RNGTT: variants seen among roughly 807,000 people sequenced by gnomAD.
RNGTT encodes RNA guanylyltransferase and 5'-phosphatase.
A neutral mutation model predicts 79.3 loss-of-function variants in RNGTT; 33 were observed. The ratio of observed to expected loss-of-function variants is 0.42; its 90% CI spans 0.32 to 0.56. The LOEUF is 0.56. RNGTT is among the 20% of genes least tolerant of loss of function. The probability of loss-of-function intolerance (pLI) is 0.17; values close to 1 mark genes in which losing one functional copy is unlikely to be tolerated. For synonymous variants in RNGTT, 222 were observed against 235.9 expected (o/e 0.94, Z 0.54); for missense variants, 497 against 739.1 (o/e 0.67, Z 3.80).
intron 1 of RNGTT, among the ~76,000 whole-genome samples, chr6:88,952,974 G>C (rs1402251268): frequency 1.3e-5 from 2 of 152,156 alleles, no homozygotes; most frequent in Admixed American, 1.3e-4. Context: ...CTGAACAGAC[G>C]CCTTGAGTTT....
At chr6:88,778,220 A>G (rs1419192654) in intron 12 of RNGTT, among the ~76,000 whole-genome samples, 2 of 152,208 alleles carry the variant, frequency 1.3e-5, no homozygotes, top group Admixed American at 1.3e-4. Context: ...AATTGATTAT[A>G]GAGGAATGAA....
chr6:88,883,534 G>A (rs537413331), intron 8 of RNGTT, among the ~76,000 whole-genome samples: 223 of 152,218 alleles, frequency 1.5e-3, no homozygotes, highest in African/African-American at 5.1e-3. Flanking sequence ...AACCTTAGAA[G>A]ACAGCCTTCA....
chr6:88,653,137 G>A (rs2610707), intron 14 of RNGTT, among the ~76,000 whole-genome samples: 40,645 of 152,038 alleles, frequency 0.27, 9,525 homozygotes, highest in African/African-American at 0.64. Flanking sequence ...CAAAATACTG[G>A]TTAAAGAAAA....
intron 8 of RNGTT, among the ~76,000 whole-genome samples, chr6:88,878,027 A>G (rs1397030181): frequency 6.6e-6 from 1 of 152,156 alleles, no homozygotes; most frequent in African/African-American, 2.4e-5. Context: ...TATAGTTAGT[A>G]TAATTTCCAT....
At chr6:88,689,659 A>G (rs1428529859) in intron 13 of RNGTT, among the ~76,000 whole-genome samples, 1 of 151,914 alleles carries the variant, frequency 6.6e-6, no homozygotes, top group Non-Finnish European at 1.5e-5. Flanking sequence ...TCTTGTTTAC[A>G]GTAAAATTTA....
At chr6:88,715,965 T>C (rs1776495934) in intron 13 of RNGTT, among the ~76,000 whole-genome samples, 1 of 151,904 alleles carries the variant, frequency 6.6e-6, no homozygotes, top group African/African-American at 2.4e-5. Flanking sequence ...AATTGACAAA[T>C]GGGATCTAAT....
chr6:88,904,315 G>A (rs1026161697), intron 6 of RNGTT, among the ~76,000 whole-genome samples: 1 of 152,294 alleles, frequency 6.6e-6, no homozygotes, highest in South Asian at 2.1e-4. Flanking sequence ...GCTAATGCCA[G>A]TAATCCCAAC....
At chr6:88,939,812 G>A (rs1784789229) in intron 2 of RNGTT, among the ~76,000 whole-genome samples, 1 of 151,232 alleles carries the variant, frequency 6.6e-6, no homozygotes, top group Admixed American at 6.6e-5. Flanking sequence ...AGGCTGCAGT[G>A]GGTAATCATG....
intron 13 of RNGTT, among the ~76,000 whole-genome samples, chr6:88,746,678 G>T (rs1032192304): frequency 6.6e-6 from 1 of 152,178 alleles, no homozygotes; most frequent in Non-Finnish European, 1.5e-5. Context: ...TAGAGCTCAG[G>T]TGTTAATGCT....
At chr6:88,670,219 G>A (rs193255622) in intron 14 of RNGTT, among the ~76,000 whole-genome samples, 131 of 152,272 alleles carry the variant, frequency 8.6e-4, no homozygotes, top group African/African-American at 3.1e-3. Flanking sequence ...GGTTTGGCAT[G>A]GATTTGATCC....
intron 14 of RNGTT, among the ~76,000 whole-genome samples, chr6:88,651,879 C>G (rs1216216931): frequency 2.0e-5 from 3 of 151,928 alleles, no homozygotes; most frequent in Non-Finnish European, 4.4e-5. Flanking sequence ...ATCAAACAAC[C>G]TAAAATGTCA....
Position 88,660,161 on chromosome 6 carries a change from T to TAAAAC in RNGTT, c.1506+18187_1506+18191dup, listed in dbSNP as rs566284482. Among the ~76,000 whole-genome samples, 290 of 152,224 alleles carry TAAAAC rather than the reference T, an allele frequency of 1.9e-3. 4 individuals carry two copies. The highest frequency in any genetic ancestry group is 6.8e-3 in the African/African-American group (284 of 41,550). Reference sequence around the variant, plus strand: ...GAAATGCTAAAAAAGTTCTAAATCTTAAAACCTCGAAATGCACCAAAATAG... The same window carrying TAAAAC: ...GAAATGCTAAAAAAGTTCTAAATCTTAAAACAAAACCTCGAAATGCACCAAAATAG... On this transcript the variant is annotated intron_variant, in intron 14 of 15. Transcript: ENST00000369485.
chr6:88,917,641 C>T (rs1784039712), intron 4 of RNGTT, among the ~76,000 whole-genome samples: 1 of 152,238 alleles, frequency 6.6e-6, no homozygotes, highest in African/African-American at 2.4e-5. Flanking sequence ...CACCCCAGCA[C>T]TTTGGGAGGC....
At chr6:88,790,565 G>A (rs1488197929) in intron 12 of RNGTT, among the ~76,000 whole-genome samples, 1 of 152,046 alleles carries the variant, frequency 6.6e-6, no homozygotes, top group Non-Finnish European at 1.5e-5. Context: ...CCTCCAGACA[G>A]GTTAAAAGAT....
chr6:88,881,451 A>G (rs1436482343), intron 8 of RNGTT, among the ~76,000 whole-genome samples: 1 of 152,184 alleles, frequency 6.6e-6, no homozygotes, highest in Non-Finnish European at 1.5e-5. Context: ...CTACACAAAA[A>G]TGCTTGCTAT....
chr6:88,886,242 C>G (rs1782854619), intron 8 of RNGTT, among the ~76,000 whole-genome samples: 2 of 152,064 alleles, frequency 1.3e-5, no homozygotes, highest in Admixed American at 1.3e-4. Flanking sequence ...GCGGGCGGAG[C>G]CTGCAGTAAG....
intron 14 of RNGTT, among the ~76,000 whole-genome samples, chr6:88,655,483 A>G (rs1055577923): frequency 6.6e-6 from 1 of 152,216 alleles, no homozygotes; most frequent in Non-Finnish European, 1.5e-5. Flanking sequence ...GAGATTTTTT[A>G]AAATTCAAGT....
intron 12 of RNGTT, 55 bp downstream of exon 12, chr6:88,801,509 T>TAC (rs1180897424): frequency 1.4e-5 from 19 of 1,366,144 alleles, no homozygotes; most frequent in East Asian, 4.6e-5. Context: ...TATATCTGTG[T>TAC]ACACACACAC....
At chr6:88,812,806 A>G (rs1007167590) in intron 11 of RNGTT, among the ~76,000 whole-genome samples, 1 of 152,222 alleles carries the variant, frequency 6.6e-6, no homozygotes, top group Non-Finnish European at 1.5e-5. Context: ...CACATAAAAT[A>G]GTTTTTTTAC....
Sources: gnomAD v4.1 joint callset for allele counts (sites outside exome capture counted in the v4.1 genomes callset) on GRCh38, gnomAD v4.1.1 for gene constraint, MANE v1.5 for transcripts, NCBI Gene and HGNC (gene_info 2026-07-23, HGNC 2026-07-21) for gene names.